Variants in SMARCA2 observed in about 807,000 individuals in gnomAD.
SMARCA2 encodes the protein SWI/SNF related BAF chromatin remodeling complex subunit ATPase 2, also known as SWI/SNF-related matrix-associated actin-dependent regulator of chromatin subfamily A member 2.
Under a neutral mutation model 199.8 loss-of-function variants are expected in SMARCA2, and 61 were observed. The ratio of observed to expected loss-of-function variants is 0.31; its 90% confidence interval spans 0.25 to 0.38. The LOEUF (loss-of-function observed/expected upper bound fraction) is 0.38, where lower values mean the gene tolerates loss of function less well. Among genes scored for constraint, SMARCA2 ranks in the 10% least tolerant of loss-of-function variants. SMARCA2 has a pLI of 1.00. For missense variants in SMARCA2, 1,344 were observed against 2,012.2 expected (o/e 0.67, Z 6.35); for synonymous variants, 935 against 732.0 (o/e 1.28, Z -4.48).
intron 2 of SMARCA2, 47 bp downstream of exon 2, chr9:2,029,294 G>A (rs766029771): frequency 3.2e-6 from 5 of 1,567,218 alleles, no homozygotes; most frequent in Non-Finnish European, 4.3e-6. Flanking sequence ...ATAAGTGGAT[G>A]GCTAATATTT....
chr9:2,136,183 C>T (rs12338393), intron 27 of SMARCA2, among the ~76,000 whole-genome samples: 14,697 of 144,440 alleles, frequency 0.1, 1,306 homozygotes, highest in East Asian at 0.42. Flanking sequence ...TTATCCCCTG[C>T]TTCTTTTTTT....
intron 5 of SMARCA2, among the ~76,000 whole-genome samples, chr9:2,050,997 T>C (rs1009119585): frequency 5.3e-5 from 8 of 152,368 alleles, no homozygotes; most frequent in Non-Finnish European, 1.0e-4. Flanking sequence ...CCTGCAGTTA[T>C]GCAGTATTAC....
At chr9:2,051,821 AT>A (rs33981370) in intron 5 of SMARCA2, among the ~76,000 whole-genome samples, 5,660 of 152,040 alleles carry the variant, frequency 0.037, 347 homozygotes, top group African/African-American at 0.13. Context: ...TCTCAGTTTT[AT>A]TTTTTCCCTT....
chr9:2,066,549 T>C (rs1402450854), intron 9 of SMARCA2, among the ~76,000 whole-genome samples: 1 of 152,226 alleles, frequency 6.6e-6, no homozygotes, highest in Non-Finnish European at 1.5e-5. Flanking sequence ...AATCTTTAGT[T>C]ATGAATAATT....
At chr9:2,182,510 T>A (rs973619213) in intron 31 of SMARCA2, among the ~76,000 whole-genome samples, 2 of 140,494 alleles carry the variant, frequency 1.4e-5, no homozygotes, top group African/African-American at 5.6e-5. Context: ...TTTTTTCCTT[T>A]TTTGAGGCAG....
intron 25 of SMARCA2, among the ~76,000 whole-genome samples, chr9:2,118,583 C>G (rs1823319526): frequency 1.3e-5 from 2 of 152,288 alleles, no homozygotes; most frequent in African/African-American, 2.4e-5. Context: ...TGATTTCTAA[C>G]AAGCCCACTC....
intron 29 of SMARCA2, among the ~76,000 whole-genome samples, chr9:2,179,197 C>G (rs929720228): frequency 2.6e-5 from 4 of 152,112 alleles, no homozygotes; most frequent in Admixed American, 1.3e-4. Context: ...AGTAGAGACT[C>G]TCCTGACTAG....
chr9:2,151,968 T>G (rs552789993), intron 27 of SMARCA2, among the ~76,000 whole-genome samples: 5 of 151,740 alleles, frequency 3.3e-5, no homozygotes, highest in Non-Finnish European at 7.3e-5. Flanking sequence ...AAATCCTGCT[T>G]AGTGTGACTA....
chr9:2,052,211 T>A (rs997525245), intron 5 of SMARCA2, among the ~76,000 whole-genome samples: 3 of 152,258 alleles, frequency 2.0e-5, no homozygotes, highest in African/African-American at 7.2e-5. Context: ...TGGTGGCTCA[T>A]GCCTGTAATC....
chr9:2,147,017 C>T (rs929708542), intron 27 of SMARCA2, among the ~76,000 whole-genome samples: 3 of 152,156 alleles, frequency 2.0e-5, no homozygotes, highest in Admixed American at 2.0e-4. Context: ...TTTTACATAG[C>T]CCCTATTCAA....
At chr9:2,079,574 A>AATC (rs931784291) in intron 14 of SMARCA2, among the ~76,000 whole-genome samples, 22 of 151,976 alleles carry the variant, frequency 1.4e-4, no homozygotes, top group Admixed American at 3.3e-4. Context: ...TTGTCATGCT[A>AATC]ATCATTTTGA....
chr9:2,157,005 T>C (rs565144460), intron 27 of SMARCA2, among the ~76,000 whole-genome samples: 1 of 152,322 alleles, frequency 6.6e-6, no homozygotes, highest in East Asian at 1.9e-4. Flanking sequence ...AACAGGTTGC[T>C]TGTGGAGACA....
intron 1 of SMARCA2, among the ~76,000 whole-genome samples, chr9:2,024,128 G>C (rs1482331375): frequency 6.6e-6 from 1 of 152,174 alleles, no homozygotes; most frequent in Non-Finnish European, 1.5e-5. Flanking sequence ...CAATTTAAGA[G>C]ATATTGTCAA....
intron 18 of SMARCA2, among the ~76,000 whole-genome samples, chr9:2,087,820 A>T (rs1482063455): frequency 6.6e-6 from 1 of 152,226 alleles, no homozygotes; most frequent in Non-Finnish European, 1.5e-5. Flanking sequence ...GTTGAGGCAC[A>T]TGGGCCCATC....
chr9:2,090,473 T>G (rs555429280), intron 19 of SMARCA2, among the ~76,000 whole-genome samples: 2 of 152,292 alleles, frequency 1.3e-5, no homozygotes, highest in South Asian at 4.1e-4. Flanking sequence ...CTATGTGAAC[T>G]TGGGCAAGTC....
chr9:2,188,072 T>TTATTAGGTTTC (rs1350390066), intron 32 of SMARCA2, among the ~76,000 whole-genome samples: 2 of 152,216 alleles, frequency 1.3e-5, no homozygotes, highest in African/African-American at 4.8e-5. Context: ...TTTTAAAAAA[T>TTATTAGGTTTC]TATTAGGTTT....
intron 29 of SMARCA2, among the ~76,000 whole-genome samples, chr9:2,171,344 C>G (rs1472404204): frequency 6.6e-6 from 1 of 152,160 alleles, no homozygotes; most frequent in East Asian, 1.9e-4. Flanking sequence ...AGCATAGGAT[C>G]CAATCTAGGA....
rs61736899 is a variant in SMARCA2, at chr9:2,191,388, G to C, written c.4717G>C (p.Asp1573His). Residue 1573 changes from aspartate to histidine, a missense_variant, in exon 33 of 34, where the codon GAT becomes CAT. Transcript: ENST00000349721. ...AKPVVSDFDSDEEQDEREQSE... is the reference protein window; with the variant it reads ...AKPVVSDFDSHEEQDEREQSE... ...ACCTGTAGTGAGCGATTTTGACAGC[G>C]ATGAGGAGCAGGATGAACGTGTAAG... 3.7e-6 allele frequency: 6 copies of C among 1,614,042 alleles called. No individual in the cohort carries two copies. The African/African-American group carries it at 4.0e-5, about 11-fold the overall frequency.
In SMARCA2 at chr9:2,170,512, G is replaced by T; in HGVS notation, c.4253+40G>T. ...TGTATTCCCCTATCTCTAAATACAG[G>T]TATCCCTCGTTACGTGAAACAGATT... On this transcript the variant is annotated intron_variant, in intron 29 of 33. Transcript: ENST00000349721. This position sits in a 1 kb window ranked among gnomAD's most constrained non-coding sequence, Gnocchi z 4.7. 6.2e-7 allele frequency: 1 copy of T among 1,613,268 alleles called. No individual in the cohort carries two copies. Among genetic ancestry groups the T allele is most frequent in the Non-Finnish European group, 8.5e-7 (1 of 1,179,686 alleles).
Sources: gnomAD v4.1 joint callset for allele counts (sites outside exome capture counted in the v4.1 genomes callset) on GRCh38, gnomAD v4.1.1 for gene constraint, Gnocchi (gnomAD v3.1) non-coding constraint, MANE v1.5 for transcripts, NCBI Gene and HGNC (gene_info 2026-07-23, HGNC 2026-07-21) for gene names.